The following FAM193A variants were observed in gnomAD, a reference collection of about 807,000 sequenced individuals.
FAM193A encodes family with sequence similarity 193 member A, also known as protein FAM193A.
A neutral mutation model predicts 126.5 loss-of-function variants in FAM193A; 22 were observed. The ratio of observed to expected loss-of-function variants is 0.17; its 90% confidence interval spans 0.12 to 0.25. The LOEUF is 0.25. FAM193A is among the 10% of genes least tolerant of loss of function. FAM193A has a pLI of 1.00. For missense variants in FAM193A, 1,675 were observed against 1,672.8 expected (o/e 1.00, Z -0.02); for synonymous variants, 761 against 646.8 (o/e 1.18, Z -2.68).
chr4:2,637,485 C>T (rs1165910524), intron 5 of FAM193A, among the ~76,000 whole-genome samples: 1 of 152,206 alleles, frequency 6.6e-6, no homozygotes, highest in Non-Finnish European at 1.5e-5. Context: ...AGAAAGATCT[C>T]AAATGTCCCG....
At chr4:2,581,255 CTTTTT>C (rs34915273) in intron 1 of FAM193A, among the ~76,000 whole-genome samples, 1 of 135,914 alleles carries the variant, frequency 7.4e-6, no homozygotes. Context: ...TTCTTTCTTT[CTTTTT>C]TTTTTTTTTT....
intron 2 of FAM193A, chr4:2,607,807 C>G (rs2108935179): frequency 5.4e-6 from 3 of 551,750 alleles, no homozygotes; most frequent in Non-Finnish European, 9.4e-6. Context: ...GTTGGGTTGT[C>G]TTTTTCTTAT....
intron 7 of FAM193A, among the ~76,000 whole-genome samples, chr4:2,650,828 G>A (rs1458727131): frequency 2.6e-5 from 4 of 152,200 alleles, no homozygotes; most frequent in Non-Finnish European, 5.9e-5. Context: ...GGGTAGGCAT[G>A]GATAGCCGCC....
At chr4:2,653,643 C>T (rs1745889702) in intron 7 of FAM193A, among the ~76,000 whole-genome samples, 1 of 152,134 alleles carries the variant, frequency 6.6e-6, no homozygotes, top group African/African-American at 2.4e-5. Context: ...AAGGTTTCAC[C>T]CTGTTGGCCA....
At chr4:2,593,064 A>G (rs1278351360) in intron 1 of FAM193A, among the ~76,000 whole-genome samples, 2 of 152,088 alleles carry the variant, frequency 1.3e-5, no homozygotes. Context: ...GACTCTTCCC[A>G]AACAACCCTC....
intron 7 of FAM193A, among the ~76,000 whole-genome samples, chr4:2,652,604 T>C (rs1745782611): frequency 1.3e-5 from 2 of 151,970 alleles, no homozygotes; most frequent in African/African-American, 4.8e-5. Flanking sequence ...AACAACCAGA[T>C]CTTCTGAGCA....
rs570292863 is a variant in FAM193A, at chr4:2,688,093, TCTC to T, written c.2332-1409_2332-1407del. On this transcript the variant is annotated intron_variant, in intron 13 of 20. Transcript: ENST00000637812. ...ACCAGGTTGCCCATAACTGGGCACT[TCTC>T]CTCTCCAGCAGACAGAAGTCCTGCT... 2.6e-4 allele frequency among the ~76,000 whole-genome samples: 40 copies of T among 152,252 alleles called. No individual in the cohort carries two copies. In the East Asian group the frequency reaches 2.7e-3, roughly 10 times the overall value.
chr4:2,626,627 C>G (rs956321266), intron 4 of FAM193A, 50 bp downstream of exon 4: 1 of 665,852 alleles, frequency 1.5e-6, no homozygotes, highest in Non-Finnish European at 2.8e-6. Flanking sequence ...CCTGCCCTCC[C>G]TGCTGCACTT....
At chr4:2,599,350 G>T (rs1741059605) in intron 2 of FAM193A, among the ~76,000 whole-genome samples, 1 of 152,024 alleles carries the variant, frequency 6.6e-6, no homozygotes, top group Non-Finnish European at 1.5e-5. Context: ...CGGCAGCCTG[G>T]TCACTTCGGC....
At chr4:2,550,792 TTTATTTATTTATTTATTTA>T (rs1737874946) in intron 1 of FAM193A, among the ~76,000 whole-genome samples, 1 of 90,634 alleles carries the variant, frequency 1.1e-5, no homozygotes. Flanking sequence ...TATTTATTTA[TTTATTTATTTATTTATTTA>T]TTTATTTAGA....
chr4:2,697,338 A>AGAGT (rs1717155453), intron 18 of FAM193A, among the ~76,000 whole-genome samples: 1 of 152,112 alleles, frequency 6.6e-6, no homozygotes, highest in Non-Finnish European at 1.5e-5. Flanking sequence ...CCTGGGTGAC[A>AGAGT]GAGTGAGACT....
At chr4:2,620,635 G>C (rs192483944) in intron 2 of FAM193A, among the ~76,000 whole-genome samples, 22 of 152,102 alleles carry the variant, frequency 1.4e-4, no homozygotes, top group Admixed American at 6.5e-5. Flanking sequence ...ATCGCCTGAG[G>C]TCAGGAGTTG....
In FAM193A at chr4:2,657,913, A is replaced by G. The variant is rs752275815; in HGVS notation, c.1389+33A>G. The G allele has an allele frequency of 2.0e-6, 3 of 1,465,304 alleles. No individual in the cohort carries two copies. In the South Asian group the frequency reaches 3.5e-5, roughly 17 times the overall value. The allele number at this position is 1,465,304 out of a possible 1,614,324, so 90.8% of individuals were successfully genotyped here. On this transcript the variant is annotated intron_variant, in intron 8 of 20. Transcript: ENST00000637812. ...TGTCAATAAGAGAGGCAATTAAAGG[A>G]AGTAGAAATCTGTCCTGACAGCAAA... is the stretch of plus-strand genomic sequence containing the variant.
intron 2 of FAM193A, chr4:2,615,242 C>T (rs1388632171): frequency 6.6e-6 from 1 of 152,308 alleles, no homozygotes; most frequent in Non-Finnish European, 1.5e-5. Context: ...TATCAACAGC[C>T]TTGCATTTGT....
At chr4:2,642,364 G>C (rs995989842) in intron 6 of FAM193A, among the ~76,000 whole-genome samples, 1 of 152,072 alleles carries the variant, frequency 6.6e-6, no homozygotes, top group African/African-American at 2.4e-5. Flanking sequence ...CTGGCAGGTG[G>C]GCTGCAGACC....
At chr4:2,696,330 A>T in intron 17 of FAM193A, 33 bp from the exon 18 acceptor site, 3 of 1,476,664 alleles carry the variant, frequency 2.0e-6, no homozygotes, top group East Asian at 2.3e-5. Context: ...CAAAATTTTT[A>T]AAACTTAAGC....
chr4:2,683,536 G>A (rs890473721), intron 13 of FAM193A, among the ~76,000 whole-genome samples: 2 of 152,142 alleles, frequency 1.3e-5, no homozygotes, highest in African/African-American at 2.4e-5. Flanking sequence ...TCAGGTGATC[G>A]CCTGCCTTGG....
chr4:2,677,626 A>T (rs1331355147), intron 13 of FAM193A, among the ~76,000 whole-genome samples: 1 of 151,576 alleles, frequency 6.6e-6, no homozygotes, highest in Non-Finnish European at 1.5e-5. Flanking sequence ...CTGTAGTCCC[A>T]GTTACTCGGG....
At chr4:2,661,950 G>A (rs1472553752) in intron 10 of FAM193A, among the ~76,000 whole-genome samples, 3 of 152,188 alleles carry the variant, frequency 2.0e-5, no homozygotes, top group East Asian at 1.9e-4. Context: ...TTGGGAGGCC[G>A]AGGCGGGCGG....
Sources: gnomAD v4.1 joint callset for allele counts (sites outside exome capture counted in the v4.1 genomes callset) on GRCh38, gnomAD v4.1.1 for gene constraint, MANE v1.5 for transcripts, NCBI Gene and HGNC (gene_info 2026-07-23, HGNC 2026-07-21) for gene names.